The following CNOT4 variants were observed in gnomAD, a reference collection of about 807,000 sequenced individuals.
CNOT4 encodes CCR4-associated factor 4.
A neutral mutation model predicts 73.8 loss-of-function variants in CNOT4; 8 were observed. The observed-to-expected ratio is 0.11, with a 90% CI of 0.06 to 0.20. CNOT4 has a LOEUF of 0.20. CNOT4 is among the 10% of genes least tolerant of loss of function. The pLI, the probability that CNOT4 is intolerant of heterozygous loss-of-function variation, is 1.00. For synonymous variants in CNOT4, 293 were observed against 321.1 expected, an observed-to-expected ratio of 0.91 and a Z score of 0.94; for missense variants, 564 against 883.4, an observed-to-expected ratio of 0.64 and a Z score of 4.58.
intron 1 of CNOT4, chr7:135,444,697 C>T: frequency 8.1e-7 from 1 of 1,229,746 alleles, no homozygotes; most frequent in African/African-American, 1.5e-5. Flanking sequence ...CTGCTTCCGG[C>T]TGCTTGTTTG....
intron 2 of CNOT4, among the ~76,000 whole-genome samples, chr7:135,429,311 T>A (rs1184439239): frequency 6.6e-6 from 1 of 152,176 alleles, no homozygotes; most frequent in Non-Finnish European, 1.5e-5. Context: ...TTCATTGATA[T>A]TTTTCTTGAA....
rs773056576 is a variant in CNOT4 at position 135,395,786 on chromosome 7, A to C, written c.977T>G (p.Phe326Cys). 6.2e-7 allele frequency: 1 copy of C among 1,613,842 alleles called. No homozygotes were observed. The highest frequency in any genetic ancestry group is 8.5e-7 in the Non-Finnish European group (1 of 1,179,846). ...SSSNHSARSP[F>C]EGAVTESQSL... Reference sequence around the variant, plus strand: ...CTGTGACTCTGTTACTGCCCCTTCAAAAGGGGACCGTGCACTGTGATTGGA... The same window carrying C: ...CTGTGACTCTGTTACTGCCCCTTCACAAGGGGACCGTGCACTGTGATTGGA... Residue 326 changes from phenylalanine (F) to cysteine (C), a missense_variant, in exon 9 of 12, where the codon TTT becomes TGT. Phe to Cys is a radical substitution (Grantham distance 205, BLOSUM62 -2). Around this residue, in one of 10 missense-constraint regions of CNOT4, gnomAD observed 135 missense variants for 154.0 expected, o/e 0.88. Transcript: ENST00000541284.
intron 1 of CNOT4, among the ~76,000 whole-genome samples, chr7:135,443,513 T>C (rs140767370): frequency 9.2e-5 from 14 of 152,270 alleles, no homozygotes; most frequent in Admixed American, 2.6e-4. Context: ...CTTTCCAACA[T>C]GGTAAGACAG....
At chr7:135,432,778 T>C (rs914113245) in intron 2 of CNOT4, among the ~76,000 whole-genome samples, 1 of 152,234 alleles carries the variant, frequency 6.6e-6, no homozygotes, top group Non-Finnish European at 1.5e-5. Flanking sequence ...AAATGTCTTT[T>C]AGTGTACCGT....
chr7:135,446,394 G>T (rs1217548532), intron 1 of CNOT4, among the ~76,000 whole-genome samples: 2 of 152,054 alleles, frequency 1.3e-5, no homozygotes, highest in Non-Finnish European at 2.9e-5. Context: ...CTGTACATTT[G>T]AAAATGGTTA....
chr7:135,387,835 T>G, intron 10 of CNOT4: 1 of 979,912 alleles, frequency 1.0e-6, no homozygotes, highest in Non-Finnish European at 1.2e-6. Context: ...TGTTACAATT[T>G]AGGTGGCCTA....
chr7:135,474,611 C>G (rs914112513), intron 1 of CNOT4, among the ~76,000 whole-genome samples: 2 of 152,104 alleles, frequency 1.3e-5, no homozygotes, highest in Non-Finnish European at 2.9e-5. Flanking sequence ...TAGTGCAGTG[C>G]ATAGTAGTCT....
intron 1 of CNOT4, among the ~76,000 whole-genome samples, chr7:135,449,710 T>C (rs948894258): frequency 6.6e-6 from 1 of 151,750 alleles, no homozygotes; most frequent in Non-Finnish European, 1.5e-5. Context: ...CCTGAAAAAA[T>C]GAGAGTAAAA....
intron 2 of CNOT4, among the ~76,000 whole-genome samples, chr7:135,425,820 C>T (rs1358122596): frequency 6.6e-6 from 1 of 152,068 alleles, no homozygotes; most frequent in East Asian, 1.9e-4. Context: ...CAAAAAAGTT[C>T]CTCCTCCATT....
intron 1 of CNOT4, among the ~76,000 whole-genome samples, chr7:135,478,662 C>T (rs576894825): frequency 1.2e-4 from 19 of 152,230 alleles, no homozygotes; most frequent in African/African-American, 4.3e-4. Context: ...GAGATCGCAC[C>T]ACTGCACTTC....
chr7:135,418,514 A>T (rs1178799096), intron 3 of CNOT4, among the ~76,000 whole-genome samples: 1 of 152,220 alleles, frequency 6.6e-6, no homozygotes, highest in Non-Finnish European at 1.5e-5. Context: ...CTACAGAGAA[A>T]AAACAAAAAC....
chr7:135,373,063 C>A (rs1021502260), intron 10 of CNOT4, among the ~76,000 whole-genome samples: 12 of 152,076 alleles, frequency 7.9e-5, no homozygotes, highest in African/African-American at 2.7e-4. Flanking sequence ...CAGGGAGAAT[C>A]TGATGGGACT....
chr7:135,492,936 G>C (rs1356442696), intron 1 of CNOT4, among the ~76,000 whole-genome samples: 1 of 152,144 alleles, frequency 6.6e-6, no homozygotes, highest in Non-Finnish European at 1.5e-5. Flanking sequence ...CTTAGTGTTA[G>C]AAGAATGACA....
At chr7:135,406,439 C>T (rs888114951) in intron 7 of CNOT4, among the ~76,000 whole-genome samples, 47 of 151,728 alleles carry the variant, frequency 3.1e-4, no homozygotes, top group African/African-American at 9.4e-4. Context: ...GCAGGCGAAT[C>T]GCTTGAGCCC....
chr7:135,413,472 C>T lies in CNOT4; in HGVS notation c.687+16G>A. The T allele has an allele frequency of 6.2e-7, 1 of 1,608,000 alleles. No individual in the cohort carries two copies. The highest frequency in any genetic ancestry group is 8.5e-7 in the Non-Finnish European group (1 of 1,176,962). On this transcript the variant is annotated intron_variant, in intron 6 of 11. Transcript: ENST00000541284. ...TCCCTTTTCTGCAAAGTTGATAATT[C>T]ACATGACTTTACTACCTGCATTTCC...
At chr7:135,414,279 T>A (rs1446001665) in intron 5 of CNOT4, 52 bp downstream of exon 5, 4 of 731,974 alleles carry the variant, frequency 5.5e-6, no homozygotes, top group Non-Finnish European at 9.6e-6. Context: ...CTTACTATAT[T>A]TTATCTCGTC....
intron 10 of CNOT4, chr7:135,388,989 T>A (rs767560267): frequency 1.0e-5 from 12 of 1,161,982 alleles, no homozygotes; most frequent in Non-Finnish European, 1.5e-5. Flanking sequence ...CTGATACATA[T>A]ATAAAATACA....
chr7:135,457,480 T>G (rs931078910), intron 1 of CNOT4, among the ~76,000 whole-genome samples: 1 of 152,068 alleles, frequency 6.6e-6, no homozygotes, highest in African/African-American at 2.4e-5. Flanking sequence ...CTTAAAATAG[T>G]ACTATTTTCT....
At chr7:135,430,752 C>T (rs145982927) in intron 2 of CNOT4, among the ~76,000 whole-genome samples, 2 of 152,246 alleles carry the variant, frequency 1.3e-5, no homozygotes, top group East Asian at 3.9e-4. Context: ...AATTCAACAC[C>T]ATTCATGATA....
Sources: allele counts gnomAD v4.1 joint callset (sites outside exome capture counted in the v4.1 genomes callset), GRCh38; gene constraint gnomAD v4.1.1; regional missense constraint gnomAD v4.1.1; transcripts MANE v1.5; gene names NCBI Gene and HGNC (gene_info 2026-07-23, HGNC 2026-07-21).